The following MALRD1 variants were observed in gnomAD, a reference collection of about 807,000 sequenced individuals.
MALRD1 encodes MAM and LDL-receptor class A domain-containing protein 1.
In MALRD1, 247 loss-of-function variants were observed where a neutral mutation model predicts 242.1. The observed-to-expected ratio is 1.02, with a 90% CI of 0.92 to 1.13. The LOEUF is 1.13. Ranked by LOEUF, MALRD1 falls within the 50% of genes most tolerant of loss-of-function variation. The probability of loss-of-function intolerance (pLI) is 0.00; values close to 1 mark genes in which losing one functional copy is unlikely to be tolerated. For missense variants in MALRD1, 2,989 were observed against 2,533.1 expected (o/e 1.18, Z -3.86); for synonymous variants, 995 against 866.6 (o/e 1.15, Z -2.60).
intron 5 of MALRD1, 66 bp from the exon 6 acceptor site, chr10:19,123,426 G>A (rs1588577904): frequency 2.1e-6 from 2 of 949,960 alleles, no homozygotes; most frequent in South Asian, 1.1e-4. Flanking sequence ...TAACATTAAA[G>A]CAAAATACTT....
intron 1 of MALRD1, among the ~76,000 whole-genome samples, chr10:19,063,182 C>T (rs1834873963): frequency 1.3e-5 from 2 of 152,010 alleles, no homozygotes; most frequent in Admixed American, 1.3e-4. Flanking sequence ...GTATATTTTA[C>T]TACAGTAATG....
At chr10:19,530,354 AAT>A (rs1554793400) in intron 31 of MALRD1, among the ~76,000 whole-genome samples, 1 of 90,392 alleles carries the variant, frequency 1.1e-5, no homozygotes, top group African/African-American at 6.1e-5. Context: ...ATAAATATAT[AAT>A]ATTTATATAA....
intron 24 of MALRD1, among the ~76,000 whole-genome samples, chr10:19,341,579 A>G (rs1055521464): frequency 1.0e-4 from 7 of 69,720 alleles, no homozygotes; most frequent in African/African-American, 5.2e-4. Context: ...ATACATGTAT[A>G]TAAAACACTC....
chr10:19,374,859 G>T (rs920168639), intron 26 of MALRD1, among the ~76,000 whole-genome samples: 2 of 152,106 alleles, frequency 1.3e-5, no homozygotes, highest in African/African-American at 4.8e-5. Flanking sequence ...CTAGTAGTGT[G>T]ATCACACTAC....
intron 26 of MALRD1, among the ~76,000 whole-genome samples, chr10:19,371,672 T>C (rs1845385759): frequency 6.6e-6 from 1 of 152,220 alleles, no homozygotes; most frequent in African/African-American, 2.4e-5. Flanking sequence ...TTGCAAATAT[T>C]ATTTCTGAAA....
intron 19 of MALRD1, among the ~76,000 whole-genome samples, chr10:19,261,390 A>T (rs1839739666): frequency 6.6e-6 from 1 of 151,982 alleles, no homozygotes; most frequent in Admixed American, 6.6e-5. Context: ...TTATAAAGGA[A>T]TTTGATAAAG....
intron 28 of MALRD1, among the ~76,000 whole-genome samples, chr10:19,449,401 T>G (rs1401995127): frequency 6.6e-6 from 1 of 152,196 alleles, no homozygotes; most frequent in African/African-American, 2.4e-5. Context: ...GGTCTCAATC[T>G]CTTGATCTTG....
chr10:19,066,327 G>A (rs1021134578), intron 1 of MALRD1, among the ~76,000 whole-genome samples: 5 of 152,144 alleles, frequency 3.3e-5, no homozygotes, highest in African/African-American at 9.7e-5. Context: ...TGTATGTATT[G>A]TATTATAGAT....
intron 28 of MALRD1, among the ~76,000 whole-genome samples, chr10:19,429,184 AC>A (rs1202478310): frequency 2.3e-4 from 35 of 152,316 alleles, no homozygotes; most frequent in African/African-American, 8.4e-4. Context: ...TCACGTTACA[AC>A]TGAGGAAAAC....
At chr10:19,635,565 A>G (rs1054958121) in intron 36 of MALRD1, among the ~76,000 whole-genome samples, 1 of 152,198 alleles carries the variant, frequency 6.6e-6, no homozygotes, top group Non-Finnish European at 1.5e-5. Context: ...CAACACGGAA[A>G]GAAAAAAAGA....
intron 5 of MALRD1, among the ~76,000 whole-genome samples, chr10:19,112,076 G>C (rs1369490293): frequency 6.6e-6 from 1 of 151,678 alleles, no homozygotes; most frequent in Non-Finnish European, 1.5e-5. Flanking sequence ...GGGAGTGATT[G>C]ATTCTGGGCT....
chr10:19,461,308 T>C (rs1835929452), intron 29 of MALRD1, among the ~76,000 whole-genome samples: 1 of 152,158 alleles, frequency 6.6e-6, no homozygotes. Flanking sequence ...AAATCGTTGA[T>C]TAAAAGGTCA....
chr10:19,095,405 T>C (rs1385379475), intron 4 of MALRD1, among the ~76,000 whole-genome samples: 1 of 152,138 alleles, frequency 6.6e-6, no homozygotes, highest in Non-Finnish European at 1.5e-5. Flanking sequence ...GAAACTCCCA[T>C]TGGAAACACT....
chr10:19,430,111 C>CCTTTTT lies in MALRD1; in HGVS notation c.4846-20196_4846-20195insCTTTTT, dbSNP rs1285347677. Among the ~76,000 whole-genome samples, 84 of 83,526 alleles carry CCTTTTT rather than the reference C, an allele frequency of 1.0e-3. 1 individual carries two copies. Among genetic ancestry groups the CCTTTTT allele is most frequent in the African/African-American group, 4.0e-3 (81 of 20,438 alleles). 54.8% of individuals were successfully genotyped at this position (83,526 alleles called of 152,430 possible). On this transcript the variant is annotated intron_variant, in intron 28 of 39. Coordinates refer to ENST00000454679, the MANE Select transcript of MALRD1 (RefSeq NM_001142308.3). Reference sequence around the variant, plus strand: ...CTTTGCTTGGAATTTCTCCATTTTCCTTTTTTTTTTTTTTTTTTTTTGAGA... The same window carrying CCTTTTT: ...CTTTGCTTGGAATTTCTCCATTTTCCCTTTTTTTTTTTTTTTTTTTTTTTTTTGAGA...
chr10:19,583,124 C>A (rs1484573734), intron 33 of MALRD1, among the ~76,000 whole-genome samples: 1 of 111,072 alleles, frequency 9.0e-6, no homozygotes, highest in African/African-American at 4.1e-5. Flanking sequence ...AGATTTTGGG[C>A]TGAGACGATG....
chr10:19,108,927 G>A (rs1273791118), intron 5 of MALRD1, among the ~76,000 whole-genome samples: 1 of 152,092 alleles, frequency 6.6e-6, no homozygotes, highest in African/African-American at 2.4e-5. Context: ...CTGTGCAACT[G>A]GTGGAATAAT....
chr10:19,579,790 G>C (rs1279793936), intron 33 of MALRD1, among the ~76,000 whole-genome samples: 1 of 152,122 alleles, frequency 6.6e-6, no homozygotes, highest in Admixed American at 6.6e-5. Flanking sequence ...TTCTTCCTTT[G>C]GGAAATGTGT....
intron 13 of MALRD1, among the ~76,000 whole-genome samples, chr10:19,173,263 CA>C (rs1292533618): frequency 6.6e-6 from 1 of 151,506 alleles, no homozygotes; most frequent in Non-Finnish European, 1.5e-5. Flanking sequence ...TTTTTTACTC[CA>C]AAACACATGT....
intron 26 of MALRD1, among the ~76,000 whole-genome samples, chr10:19,368,027 T>C (rs975060343): frequency 1.3e-5 from 2 of 152,126 alleles, no homozygotes; most frequent in Non-Finnish European, 2.9e-5. Context: ...GTTGGATGGA[T>C]AGTTTGCAAC....
Sources: allele counts gnomAD v4.1 joint callset (sites outside exome capture counted in the v4.1 genomes callset), GRCh38; gene constraint gnomAD v4.1.1; transcripts MANE v1.5; gene names NCBI Gene and HGNC (gene_info 2026-07-23, HGNC 2026-07-21).